Variants in CSMD3 observed in about 807,000 individuals in gnomAD.
The protein encoded by CSMD3 is CUB and sushi domain-containing protein 3.
A neutral mutation model predicts 435.2 loss-of-function variants in CSMD3; 177 were observed. That is an observed-to-expected ratio of 0.41 (90% confidence interval 0.36 to 0.46). CSMD3 has a LOEUF of 0.46. Among genes scored for constraint, CSMD3 ranks in the 20% least tolerant of loss-of-function variants. CSMD3 has a pLI of 0.34. For missense variants in CSMD3, 4,265 were observed against 4,504.6 expected (o/e 0.95, Z 1.52); for synonymous variants, 1,656 against 1,520.5 (o/e 1.09, Z -2.07).
intron 3 of CSMD3, among the ~76,000 whole-genome samples, chr8:113,196,946 T>C (rs544178711): frequency 1.2e-4 from 18 of 151,314 alleles, no homozygotes; most frequent in African/African-American, 3.9e-4. Context: ...CAATCTCAGG[T>C]AAGTACTTAA....
At chr8:113,089,252 G>A (rs952147485) in intron 5 of CSMD3, among the ~76,000 whole-genome samples, 18 of 152,162 alleles carry the variant, frequency 1.2e-4, no homozygotes, top group African/African-American at 4.3e-4. Flanking sequence ...TGCAGATAAT[G>A]TTATTCCTGG....
At chr8:112,275,821 C>T (rs1817988024) in intron 59 of CSMD3, among the ~76,000 whole-genome samples, 1 of 152,096 alleles carries the variant, frequency 6.6e-6, no homozygotes, top group Non-Finnish European at 1.5e-5. Flanking sequence ...ATGGGAGTTA[C>T]AATTAAAGAT....
intron 40 of CSMD3, among the ~76,000 whole-genome samples, chr8:112,346,747 C>G (rs897148599): frequency 7.6e-6 from 1 of 131,914 alleles, no homozygotes; most frequent in African/African-American, 3.0e-5. Context: ...GGCGCAATCT[C>G]GGCTCACTGC....
intron 9 of CSMD3, among the ~76,000 whole-genome samples, chr8:112,928,475 C>T (rs2082984710): frequency 6.6e-6 from 1 of 152,142 alleles, no homozygotes; most frequent in Non-Finnish European, 1.5e-5. Flanking sequence ...TTGTGATGTT[C>T]CCCTTCCTGT....
intron 8 of CSMD3, among the ~76,000 whole-genome samples, chr8:112,950,983 C>T (rs941657461): frequency 1.3e-5 from 2 of 151,806 alleles, no homozygotes; most frequent in African/African-American, 4.8e-5. Flanking sequence ...TCATTTAAAC[C>T]ACCATTTCTG....
chr8:113,351,230 C>T (rs1044728269), intron 1 of CSMD3, among the ~76,000 whole-genome samples: 5 of 152,100 alleles, frequency 3.3e-5, no homozygotes, highest in African/African-American at 9.7e-5. Context: ...CATGTGAAAG[C>T]ACTTCATCAA....
chr8:112,258,635 C>T (rs761843447), intron 61 of CSMD3, among the ~76,000 whole-genome samples: 11 of 152,038 alleles, frequency 7.2e-5, no homozygotes, highest in South Asian at 4.1e-4. Context: ...CAATAGATGC[C>T]GGAGAGGATG....
At chr8:112,930,844 T>A (rs774085564) in intron 9 of CSMD3, among the ~76,000 whole-genome samples, 2 of 152,098 alleles carry the variant, frequency 1.3e-5, no homozygotes, top group Non-Finnish European at 2.9e-5. Flanking sequence ...CCAGTTAGAT[T>A]AAACACTGAC....
intron 22 of CSMD3, among the ~76,000 whole-genome samples, chr8:112,617,349 C>G (rs12680828): frequency 6.6e-6 from 1 of 152,158 alleles, no homozygotes; most frequent in African/African-American, 2.4e-5. Flanking sequence ...ATGCATACTT[C>G]TGGCCCAGGC....
intron 41 of CSMD3, among the ~76,000 whole-genome samples, chr8:112,343,017 T>TC (rs1563815796): frequency 1.9e-5 from 1 of 52,560 alleles, no homozygotes; most frequent in Non-Finnish European, 5.3e-5. Flanking sequence ...ATATATATAT[T>TC]TATATATATA....
intron 61 of CSMD3, among the ~76,000 whole-genome samples, chr8:112,259,275 T>C (rs1046746681): frequency 1.5e-4 from 23 of 152,082 alleles, no homozygotes; most frequent in Non-Finnish European, 3.1e-4. Context: ...AAAGGATGAG[T>C]TATTGTCCTT....
chr8:112,278,433 G>C (rs1277446541), intron 59 of CSMD3, among the ~76,000 whole-genome samples: 1 of 152,160 alleles, frequency 6.6e-6, no homozygotes, highest in African/African-American at 2.4e-5. Context: ...CCTTCCCAAA[G>C]TGATTCTGAG....
At chr8:112,250,973 T>A in intron 63 of CSMD3, among the ~76,000 whole-genome samples, 1 of 151,762 alleles carries the variant, frequency 6.6e-6, no homozygotes, top group East Asian at 1.9e-4. Flanking sequence ...ATAAAATTTA[T>A]ATAGCAAATA....
chr8:112,886,780 A>C (rs2130275996), intron 10 of CSMD3, among the ~76,000 whole-genome samples: 1 of 151,742 alleles, frequency 6.6e-6, no homozygotes, highest in East Asian at 2.0e-4. Flanking sequence ...ATTTACATAC[A>C]AATGGTGCAC....
intron 63 of CSMD3, among the ~76,000 whole-genome samples, chr8:112,253,085 G>T (rs1815433317): frequency 6.6e-6 from 1 of 151,714 alleles, no homozygotes; most frequent in Non-Finnish European, 1.5e-5. Flanking sequence ...TAGAAAATCA[G>T]CCTGATTTAG....
At chr8:112,731,675 ATT>A (rs1383897459) in intron 13 of CSMD3, among the ~76,000 whole-genome samples, 1 of 152,056 alleles carries the variant, frequency 6.6e-6, no homozygotes, top group Non-Finnish European at 1.5e-5. Flanking sequence ...GCCACAGTGT[ATT>A]TCAGAGCTTG....
At chr8:112,388,774 T>C (rs1000729206) in intron 36 of CSMD3, among the ~76,000 whole-genome samples, 2 of 152,152 alleles carry the variant, frequency 1.3e-5, no homozygotes, top group Non-Finnish European at 2.9e-5. Context: ...TTATCTATTA[T>C]GATTTACGTC....
chr8:112,805,270 G>A (rs1217849509), intron 12 of CSMD3, among the ~76,000 whole-genome samples: 1 of 152,090 alleles, frequency 6.6e-6, no homozygotes, highest in Non-Finnish European at 1.5e-5. Context: ...AAGAAAAGGG[G>A]TATTCCGAAA....
intron 1 of CSMD3, among the ~76,000 whole-genome samples, chr8:113,337,485 C>T (rs1033400874): frequency 6.6e-6 from 1 of 152,116 alleles, no homozygotes; most frequent in African/African-American, 2.4e-5. Context: ...GAAAAATTAA[C>T]TCAAAAAGGA....
Sources: gnomAD v4.1 joint callset for allele counts (sites outside exome capture counted in the v4.1 genomes callset) on GRCh38, gnomAD v4.1.1 for gene constraint, MANE v1.5 for transcripts, NCBI Gene and HGNC (gene_info 2026-07-23, HGNC 2026-07-21) for gene names.